IL1RAPL2: variants seen among roughly 807,000 people sequenced by gnomAD.
IL1RAPL2 encodes the protein interleukin 1 receptor accessory protein like 2.
Under a neutral mutation model 44.1 loss-of-function variants are expected in IL1RAPL2, and 3 were observed. That is an observed-to-expected ratio of 0.07 (90% CI 0.03 to 0.18). The LOEUF (loss-of-function observed/expected upper bound fraction) is 0.18. IL1RAPL2 is among the 10% of genes least tolerant of loss of function. The probability of loss-of-function intolerance (pLI) is 1.00; values close to 1 mark genes in which losing one functional copy is unlikely to be tolerated. For missense variants in IL1RAPL2, 391 were observed against 496.4 expected, an observed-to-expected ratio of 0.79 and a Z score of 2.02; for synonymous variants, 181 against 178.8, an observed-to-expected ratio of 1.01 and a Z score of -0.10.
intron 2 of IL1RAPL2, among the ~76,000 whole-genome samples, chrX:104,686,793 C>T (rs1930996325): frequency 8.9e-6 from 1 of 112,234 alleles, no homozygotes; most frequent in East Asian, 2.8e-4. Flanking sequence ...TGAACTCTCC[C>T]ACCGTTTAAA....
At chrX:105,670,142 T>TATATATATATATATATATATATATAA (rs1365896538) in intron 6 of IL1RAPL2, among the ~76,000 whole-genome samples, 2 of 52,975 alleles carry the variant, frequency 3.8e-5, no homozygotes, top group African/African-American at 1.5e-4. Context: ...TATATATATA[T>TATATATATATATATATATATATATAA]ATATATCTCC....
intron 2 of IL1RAPL2, among the ~76,000 whole-genome samples, chrX:104,718,004 T>C (rs1931608213): frequency 9.0e-6 from 1 of 111,331 alleles, no homozygotes; most frequent in African/African-American, 3.3e-5. Context: ...CAGTCTATCA[T>C]TGTTGGACAT....
At chrX:105,414,220 C>T (rs1319340161) in intron 5 of IL1RAPL2, among the ~76,000 whole-genome samples, 1 of 110,866 alleles carries the variant, frequency 9.0e-6, no homozygotes, top group Non-Finnish European at 1.9e-5. Flanking sequence ...CGCCACCTCC[C>T]GGATTGAAGC....
At chrX:105,531,528 T>A (rs1425394980) in intron 6 of IL1RAPL2, among the ~76,000 whole-genome samples, 2 of 111,266 alleles carry the variant, frequency 1.8e-5, no homozygotes, top group African/African-American at 6.5e-5. Context: ...TTGGTTATAT[T>A]TTTTTTGGCC....
intron 5 of IL1RAPL2, among the ~76,000 whole-genome samples, chrX:105,375,543 A>C (rs934094584): frequency 4.2e-4 from 47 of 111,980 alleles, no homozygotes; most frequent in African/African-American, 1.4e-3. Context: ...ACAACAACAA[A>C]AAAACCCTGT....
intron 2 of IL1RAPL2, among the ~76,000 whole-genome samples, chrX:104,948,013 G>T (rs1925440194): frequency 9.0e-6 from 1 of 110,999 alleles, no homozygotes; most frequent in Non-Finnish European, 1.9e-5. Flanking sequence ...TGGGCAGTAT[G>T]GCAATTTTCA....
chrX:105,756,340 G>A lies in IL1RAPL2; in HGVS notation c.1363+993G>A, dbSNP rs775329646. 9.9e-5 allele frequency among the ~76,000 whole-genome samples: 11 copies of A among 111,390 alleles called. No homozygotes were observed. In the South Asian group the frequency reaches 3.8e-3, roughly 39 times the overall value. ...TGCTGAGGAAGCAAACCCCAAAATC[G>A]TCCAAGATCAAACAGTTGGCAAATG... On this transcript the variant is annotated intron_variant, in intron 10 of 10. Coordinates refer to ENST00000372582, the MANE Select transcript of IL1RAPL2 (RefSeq NM_017416.2).
At chrX:104,956,369 C>T (rs1343051608) in intron 2 of IL1RAPL2, among the ~76,000 whole-genome samples, 1 of 111,462 alleles carries the variant, frequency 9.0e-6, no homozygotes, top group Non-Finnish European at 1.9e-5. Context: ...GGCCTGTAAT[C>T]CCAGCACTTT....
intron 5 of IL1RAPL2, among the ~76,000 whole-genome samples, chrX:105,367,972 T>C (rs746103004): frequency 9.9e-5 from 11 of 111,090 alleles, no homozygotes; most frequent in African/African-American, 3.3e-4. Flanking sequence ...AGAAAGTTTT[T>C]TTTTAATCTC....
intron 2 of IL1RAPL2, among the ~76,000 whole-genome samples, chrX:104,956,412 A>T (rs959501759): frequency 9.1e-6 from 1 of 109,734 alleles, no homozygotes; most frequent in Non-Finnish European, 1.9e-5. Context: ...ACTTGAGGTC[A>T]GGAGTTTGAG....
At chrX:105,628,030 G>A (rs146114629) in intron 6 of IL1RAPL2, among the ~76,000 whole-genome samples, 161 of 111,434 alleles carry the variant, frequency 1.4e-3, no homozygotes, top group Middle Eastern at 9.3e-3. Flanking sequence ...GGGGAGGGAG[G>A]AGGTGGGATG....
intron 6 of IL1RAPL2, among the ~76,000 whole-genome samples, chrX:105,629,283 T>A (rs1246495612): frequency 9.0e-6 from 1 of 111,545 alleles, no homozygotes; most frequent in Non-Finnish European, 1.9e-5. Flanking sequence ...GTTTCTTGAG[T>A]CATGTTTTAG....
At chrX:105,727,691 CTTAG>C (rs1167422242) in intron 7 of IL1RAPL2, among the ~76,000 whole-genome samples, 1 of 111,438 alleles carries the variant, frequency 9.0e-6, no homozygotes, top group Non-Finnish European at 1.9e-5. Flanking sequence ...CTTTTATTGC[CTTAG>C]TTAAATTTAT....
At chrX:104,712,615 TA>T (rs1357249872) in intron 2 of IL1RAPL2, among the ~76,000 whole-genome samples, 3 of 111,291 alleles carry the variant, frequency 2.7e-5, no homozygotes, top group African/African-American at 9.8e-5. Flanking sequence ...AATATAGATT[TA>T]ACATTGTATG....
intron 2 of IL1RAPL2, among the ~76,000 whole-genome samples, chrX:105,045,112 T>C (rs1356719796): frequency 1.8e-5 from 2 of 110,913 alleles, no homozygotes; most frequent in Non-Finnish European, 3.8e-5. Flanking sequence ...ATTACTGGTA[T>C]ATAGAAAGCT....
At chrX:105,031,150 C>T (rs184327267) in intron 2 of IL1RAPL2, among the ~76,000 whole-genome samples, 4 of 110,166 alleles carry the variant, frequency 3.6e-5, no homozygotes, top group Admixed American at 9.8e-5. Context: ...TGGGCTGAGA[C>T]GATGGGGTTT....
chrX:105,009,515 C>T (rs1259782929), intron 2 of IL1RAPL2, among the ~76,000 whole-genome samples: 1 of 100,723 alleles, frequency 9.9e-6, no homozygotes, highest in African/African-American at 3.7e-5. Flanking sequence ...AACCAAACAC[C>T]ACATGTTGTC....
In IL1RAPL2 at chrX:105,311,251, C is replaced by T. The variant is rs181814132; in HGVS notation, c.697+43710C>T. Among the ~76,000 whole-genome samples the T allele has an allele frequency of 6.3e-5, 7 of 110,626 alleles. No individual in the cohort carries two copies. The East Asian group carries it at 2.0e-3, about 31-fold the overall frequency. On this transcript the variant is annotated intron_variant, in intron 5 of 10. Transcript: ENST00000372582. ...TTTTTATCCAATTTGACAATTGTAGCCTTTTAATTGAACTATTTATTCCCT... is the reference window on the plus strand; with the variant it reads ...TTTTTATCCAATTTGACAATTGTAGTCTTTTAATTGAACTATTTATTCCCT...
At chrX:105,351,899 G>T (rs2035158300) in intron 5 of IL1RAPL2, among the ~76,000 whole-genome samples, 2 of 111,311 alleles carry the variant, frequency 1.8e-5, no homozygotes, top group Admixed American at 1.9e-4. Flanking sequence ...GCAAAATGAA[G>T]TTGGCAACCA....
Sources: allele counts gnomAD v4.1 joint callset (sites outside exome capture counted in the v4.1 genomes callset), GRCh38; gene constraint gnomAD v4.1.1; transcripts MANE v1.5; gene names NCBI Gene and HGNC (gene_info 2026-07-23, HGNC 2026-07-21).